The following ST7 variants were observed in gnomAD, a reference collection of about 807,000 sequenced individuals.
ST7 encodes the protein suppression of tumorigenicity 7.
ST7 carries 28 observed loss-of-function variants against 78.7 expected under a neutral mutation model. That is an observed-to-expected ratio of 0.36 (90% CI 0.26 to 0.49). The LOEUF (loss-of-function observed/expected upper bound fraction) is 0.49, where lower values mean the gene tolerates loss of function less well. ST7 is among the 20% of genes least tolerant of loss of function. ST7 has a pLI of 0.99. For synonymous variants in ST7, 247 were observed against 249.6 expected (o/e 0.99, Z 0.10); for missense variants, 418 against 696.0 (o/e 0.60, Z 4.49).
chr7:117,161,481 GAAATA>G (rs960821669), intron 9 of ST7, among the ~76,000 whole-genome samples: 1 of 148,974 alleles, frequency 6.7e-6, no homozygotes, highest in Non-Finnish European at 1.5e-5. Context: ...TTTCTTACAA[GAAATA>G]AAATAATATA....
rs548634128 is a variant in ST7, at chr7:117,097,576, G to A, written c.152-2186G>A. ...TGACCTCAGGTGATCCACCCACCTC[G>A]GCCTCCCAAAGTGTTGGGATTACAG... is the stretch of plus-strand genomic sequence containing the variant. On this transcript the variant is annotated intron_variant, in intron 1 of 15. Coordinates refer to ENST00000323984, the MANE Select transcript of ST7 (RefSeq NM_001369598.1). Among the ~76,000 whole-genome samples, 19 of 151,318 alleles carry A rather than the reference G, an allele frequency of 1.3e-4. 1 individual carries two copies. The highest frequency in any genetic ancestry group is 3.9e-4 in the African/African-American group (16 of 41,256).
chr7:117,088,445 A>G (rs1563071771), intron 1 of ST7, among the ~76,000 whole-genome samples: 1 of 152,208 alleles, frequency 6.6e-6, no homozygotes, highest in African/African-American at 2.4e-5. Context: ...TAGAATATAG[A>G]TGTTATTCCG....
chr7:116,972,890 C>T (rs1793504079), intron 1 of ST7: 10 of 1,324,092 alleles, frequency 7.6e-6, no homozygotes, highest in East Asian at 2.3e-5. Flanking sequence ...TTAACCGCCT[C>T]GATGGTGGTG....
intron 13 of ST7, 96 bp downstream of exon 13, chr7:117,210,033 T>C: frequency 7.2e-7 from 1 of 1,389,160 alleles, no homozygotes; most frequent in Non-Finnish European, 9.7e-7. Flanking sequence ...GATTTACATA[T>C]GTACTGCTCT....
chr7:117,192,134 T>A (rs1217303846), intron 12 of ST7, among the ~76,000 whole-genome samples: 1 of 152,224 alleles, frequency 6.6e-6, no homozygotes, highest in Admixed American at 6.5e-5. Flanking sequence ...TATAACTATA[T>A]CTCCTTATAT....
intron 10 of ST7, among the ~76,000 whole-genome samples, chr7:117,183,446 T>G (rs1355180658): frequency 6.6e-6 from 1 of 151,698 alleles, no homozygotes; most frequent in Non-Finnish European, 1.5e-5. Flanking sequence ...ATTATATATA[T>G]ATAATTGAGG....
intron 9 of ST7, among the ~76,000 whole-genome samples, chr7:117,143,235 G>A (rs1305932517): frequency 2.0e-5 from 3 of 151,986 alleles, no homozygotes; most frequent in Admixed American, 6.6e-5. Flanking sequence ...ACCTTTCCCC[G>A]GTCTTTTTGC....
chr7:116,954,829 C>T (rs989860159), intron 1 of ST7: 1 of 286,760 alleles, frequency 3.5e-6, no homozygotes, highest in Non-Finnish European at 6.8e-6. Flanking sequence ...GCATTTTCCT[C>T]AGGTGTTTAG....
chr7:117,068,927 C>G (rs949708453), intron 1 of ST7, among the ~76,000 whole-genome samples: 2 of 152,180 alleles, frequency 1.3e-5, no homozygotes, highest in African/African-American at 2.4e-5. Flanking sequence ...CCAGGATTAA[C>G]ATACTGATGC....
chr7:117,210,024 A>T, intron 13 of ST7, 87 bp downstream of exon 13: 1 of 1,450,716 alleles, frequency 6.9e-7, no homozygotes, highest in Non-Finnish European at 9.3e-7. Flanking sequence ...AATAATGAAG[A>T]TTTACATATG....
intron 1 of ST7, chr7:117,073,289 C>A (rs1485906644): frequency 6.6e-6 from 1 of 152,034 alleles, no homozygotes; most frequent in East Asian, 1.9e-4. Flanking sequence ...AAATAAAAAA[C>A]CATTCATGGT....
At chr7:117,103,368 G>A (rs1211136420) in intron 2 of ST7, among the ~76,000 whole-genome samples, 3 of 152,188 alleles carry the variant, frequency 2.0e-5, no homozygotes, top group Non-Finnish European at 4.4e-5. Flanking sequence ...CAAAGTTATA[G>A]TAACCAAATC....
intron 2 of ST7, among the ~76,000 whole-genome samples, 165 bp downstream of exon 2, chr7:117,100,009 C>T (rs557222818): frequency 3.3e-5 from 5 of 152,208 alleles, no homozygotes; most frequent in African/African-American, 1.2e-4. Flanking sequence ...CTTTTACTAC[C>T]CCATTATATT....
intron 1 of ST7, among the ~76,000 whole-genome samples, chr7:116,993,563 A>G (rs1464692222): frequency 6.6e-6 from 1 of 152,256 alleles, no homozygotes; most frequent in Non-Finnish European, 1.5e-5. Flanking sequence ...GAGCCAAACC[A>G]TATCAAACCA....
intron 1 of ST7, among the ~76,000 whole-genome samples, chr7:117,070,977 TG>T (rs1584564961): frequency 6.6e-6 from 1 of 151,724 alleles, no homozygotes; most frequent in East Asian, 2.0e-4. Context: ...CCCGGCACTT[TG>T]GGAGGCCAAG....
intron 1 of ST7, among the ~76,000 whole-genome samples, chr7:117,019,488 A>G (rs1332094643): frequency 1.3e-5 from 2 of 152,238 alleles, no homozygotes; most frequent in Non-Finnish European, 2.9e-5. Flanking sequence ...AGGTATACAC[A>G]GGTGTGTGCA....
In ST7 at chr7:116,991,240, C is replaced by A. The variant is rs79087164; in HGVS notation, c.151+37549C>A. ...ACTACTTTTTCCACCCTGACACATG[C>A]CTCCTTTGAGGCATTAAGCAGGGCT... On this transcript the variant is annotated intron_variant, in intron 1 of 15. Transcript: ENST00000323984. 5.3e-3 allele frequency among the ~76,000 whole-genome samples: 803 copies of A among 152,324 alleles called. 5 individuals are homozygous for A. Among genetic ancestry groups the A allele is most frequent in the African/African-American group, 0.017 (712 of 41,562 alleles).
At chr7:116,972,285 C>T (rs966693684) in intron 1 of ST7, 31 of 569,932 alleles carry the variant, frequency 5.4e-5, no homozygotes, top group South Asian at 1.9e-4. Context: ...GCTTGGCTAC[C>T]GATCTCTCAG....
chr7:117,098,589 A>G (rs534365002), intron 1 of ST7: 1 of 276,558 alleles, frequency 3.6e-6, no homozygotes, highest in East Asian at 1.2e-4. Context: ...TTCATTTTTT[A>G]CCCATTGTCT....
Sources: gnomAD v4.1 joint callset for allele counts (sites outside exome capture counted in the v4.1 genomes callset) on GRCh38, gnomAD v4.1.1 for gene constraint, MANE v1.5 for transcripts, NCBI Gene and HGNC (gene_info 2026-07-23, HGNC 2026-07-21) for gene names.